SHISA9: variants seen among roughly 807,000 people sequenced by gnomAD.
The protein encoded by SHISA9 is protein shisa-9.
Under a neutral mutation model 38.0 loss-of-function variants are expected in SHISA9, and 13 were observed. The observed-to-expected ratio is 0.34, with a 90% CI of 0.22 to 0.54. The LOEUF is 0.54. Among genes scored for constraint, SHISA9 ranks in the 20% least tolerant of loss-of-function variants. SHISA9 has a pLI of 0.91. For missense variants in SHISA9, 538 were observed against 575.8 expected, an observed-to-expected ratio of 0.93 and a Z score of 0.67; for synonymous variants, 275 against 242.0, an observed-to-expected ratio of 1.14 and a Z score of -1.27.
At chr16:13,454,137 G>C in the SHISA9 span, among the ~76,000 whole-genome samples, 13 of 152,122 alleles carry the variant, frequency 8.5e-5, no homozygotes, top group Admixed American at 5.9e-4. Context: ...AGAGGGAAAG[G>C]GCTCCCCCTG....
the SHISA9 span, among the ~76,000 whole-genome samples, chr16:13,518,176 C>G: frequency 6.6e-6 from 1 of 152,096 alleles, no homozygotes; most frequent in East Asian, 1.9e-4. Flanking sequence ...CTGCAACACA[C>G]TACCATAGAT....
chr16:12,982,686 G>A (rs1256723032), intron 2 of SHISA9, among the ~76,000 whole-genome samples: 1 of 152,122 alleles, frequency 6.6e-6, no homozygotes, highest in Non-Finnish European at 1.5e-5. Flanking sequence ...TTAGTTTTTT[G>A]CAAGATGGCA....
intron 3 of SHISA9, among the ~76,000 whole-genome samples, chr16:13,205,681 C>G (rs895696318): frequency 3.9e-5 from 6 of 152,224 alleles, no homozygotes; most frequent in African/African-American, 1.4e-4. Context: ...GCTCCCTGGT[C>G]TTGTTTCTAG....
chr16:12,915,326 G>T (rs898963442), intron 1 of SHISA9, among the ~76,000 whole-genome samples: 2 of 152,152 alleles, frequency 1.3e-5, no homozygotes. Flanking sequence ...AAAGTAGCTG[G>T]GGGTGGTGGC....
chr16:13,311,589 C>A, the SHISA9 span, among the ~76,000 whole-genome samples: 12 of 152,076 alleles, frequency 7.9e-5, no homozygotes, highest in Admixed American at 6.5e-4. Context: ...TAGAAGACTA[C>A]CTTTGTGGAT....
At position 13,183,964 on chromosome 16, in the gene SHISA9, CTT is replaced by C; in HGVS notation, c.692-19429_692-19428del. ...CTTGTGGGAGGGGCGGACAGAAACT[CTT>C]ATTACTGGCAGTTTCTTATCCACAC... is the stretch of plus-strand genomic sequence containing the variant. On this transcript the variant is annotated intron_variant, in intron 2 of 4. Coordinates refer to ENST00000558583, the MANE Select transcript of SHISA9 (RefSeq NM_001145204.3). Among the ~76,000 whole-genome samples the C allele has an allele frequency of 2.0e-5, 3 of 152,148 alleles. No individual in the cohort carries two copies. In the Middle Eastern group the frequency reaches 0.01, roughly 518 times the overall value.
intron 2 of SHISA9, among the ~76,000 whole-genome samples, chr16:13,173,454 C>T (rs1235407695): frequency 3.6e-5 from 3 of 82,392 alleles, no homozygotes; most frequent in Non-Finnish European, 6.5e-5. Context: ...TTACCATGTT[C>T]CAGGACCTGT....
intron 2 of SHISA9, among the ~76,000 whole-genome samples, chr16:13,153,147 G>A (rs1026878527): frequency 1.3e-5 from 2 of 152,066 alleles, no homozygotes; most frequent in African/African-American, 2.4e-5. Flanking sequence ...TTTTAGCCCA[G>A]TGAAACCCAT....
In SHISA9 at chr16:13,057,056, A is replaced by T. The variant is rs1015820538; in HGVS notation, c.691+140241A>T. On this transcript the variant is annotated intron_variant, in intron 2 of 4. Transcript: ENST00000558583. ...AAGCATATTGCAAAAGGAAAATACA[A>T]ACTGGAAGCTAAAGGAATGGGCCTC... Among the ~76,000 whole-genome samples the T allele has an allele frequency of 3.9e-5, 6 of 152,206 alleles. No individual in the cohort carries two copies. The East Asian group carries it at 1.2e-3, about 29-fold the overall frequency.
chr16:13,533,846 C>T, the SHISA9 span, among the ~76,000 whole-genome samples: 1 of 148,388 alleles, frequency 6.7e-6, no homozygotes, highest in Non-Finnish European at 1.5e-5. Context: ...TGCAGTGGCG[C>T]GATCTCGGCT....
At chr16:13,355,371 G>T in the SHISA9 span, among the ~76,000 whole-genome samples, 4 of 151,738 alleles carry the variant, frequency 2.6e-5, no homozygotes, top group Non-Finnish European at 5.9e-5. Context: ...GTGCATGATT[G>T]GTCACCAAGG....
the SHISA9 span, among the ~76,000 whole-genome samples, chr16:13,289,645 A>G: frequency 6.6e-6 from 1 of 152,008 alleles, no homozygotes; most frequent in African/African-American, 2.4e-5. Context: ...AGACAGAGTG[A>G]GAGTCAGAGC....
chr16:13,407,986 C>A, the SHISA9 span, among the ~76,000 whole-genome samples: 1 of 152,246 alleles, frequency 6.6e-6, no homozygotes, highest in African/African-American at 2.4e-5. Context: ...AGAGAGTTAA[C>A]TCAACATGTG....
intron 2 of SHISA9, among the ~76,000 whole-genome samples, chr16:13,075,386 C>A (rs1309174065): frequency 1.3e-5 from 2 of 152,280 alleles, no homozygotes; most frequent in East Asian, 3.9e-4. Context: ...GCTCCCTGAG[C>A]CCCGAAGCCA....
chr16:12,925,265 C>T (rs987963721), intron 2 of SHISA9, among the ~76,000 whole-genome samples: 1 of 152,094 alleles, frequency 6.6e-6, no homozygotes, highest in Non-Finnish European at 1.5e-5. Context: ...AGCAGCTGTC[C>T]TGTTCTTTGC....
chr16:13,301,672 A>G, the SHISA9 span, among the ~76,000 whole-genome samples: 2 of 152,192 alleles, frequency 1.3e-5, no homozygotes, highest in Non-Finnish European at 2.9e-5. Context: ...GACTTAAATA[A>G]AATTATTAAG....
chr16:13,253,272 G>A, the SHISA9 span, among the ~76,000 whole-genome samples: 1 of 152,136 alleles, frequency 6.6e-6, no homozygotes. Context: ...CTGTGTGGGG[G>A]TAGGAGTTGT....
At chr16:13,320,469 T>C in the SHISA9 span, among the ~76,000 whole-genome samples, 1 of 152,086 alleles carries the variant, frequency 6.6e-6, no homozygotes, top group African/African-American at 2.4e-5. Context: ...TTAAACTCTT[T>C]GGGTGCTAGG....
the SHISA9 span, among the ~76,000 whole-genome samples, chr16:13,485,423 T>A: frequency 4.6e-5 from 7 of 152,140 alleles, no homozygotes; most frequent in Non-Finnish European, 1.0e-4. Context: ...TGCCACATTT[T>A]CTTTATCCAG....
Sources: gnomAD v4.1 joint callset for allele counts (sites outside exome capture counted in the v4.1 genomes callset) on GRCh38, gnomAD v4.1.1 for gene constraint, MANE v1.5 for transcripts, NCBI Gene and HGNC (gene_info 2026-07-23, HGNC 2026-07-21) for gene names.